The following POU2AF1 variants were observed in gnomAD, a reference collection of about 807,000 sequenced individuals.
POU2AF1 encodes POU domain class 2-associating factor 1.
Under a neutral mutation model 26.3 loss-of-function variants are expected in POU2AF1, and 12 were observed. That is an observed-to-expected ratio of 0.46 (90% CI 0.29 to 0.74). The LOEUF (loss-of-function observed/expected upper bound fraction) is 0.74, where lower values mean the gene tolerates loss of function less well. Among genes scored for constraint, POU2AF1 ranks in the 30% least tolerant of loss-of-function variants. The pLI is 0.09. For synonymous variants in POU2AF1, 175 were observed against 148.0 expected (o/e 1.18, Z -1.32); for missense variants, 297 against 334.5 (o/e 0.89, Z 0.87).
Position 111,364,943 on chromosome 11 carries a change from G to A in POU2AF1, c.17-6025C>T, listed in dbSNP as rs538716707. On this transcript the variant is annotated intron_variant, in intron 1 of 4. Transcript: ENST00000393067. ...GATCTGTAGTTAGGCAGCTGGAGGAGGCAAATGGATATCCAGTTGTTTGTT... is the reference window on the plus strand; with the variant it reads ...GATCTGTAGTTAGGCAGCTGGAGGAAGCAAATGGATATCCAGTTGTTTGTT... Among the ~76,000 whole-genome samples the A allele has an allele frequency of 8.5e-5, 13 of 152,344 alleles. No individual in the cohort carries two copies. The East Asian group carries it at 1.7e-3, about 20-fold the overall frequency.
At chr11:111,371,303 CTG>C (rs2135134795) in intron 1 of POU2AF1, among the ~76,000 whole-genome samples, 1 of 152,274 alleles carries the variant, frequency 6.6e-6, no homozygotes, top group South Asian at 2.1e-4. Context: ...ACTAATGAAA[CTG>C]TTACTAAGAA....
At chr11:111,358,575 C>T (rs1399982942) in intron 2 of POU2AF1, among the ~76,000 whole-genome samples, 2 of 140,888 alleles carry the variant, frequency 1.4e-5, no homozygotes, top group Non-Finnish European at 3.2e-5. Context: ...CACTCACACA[C>T]TCACACTCCC....
At chr11:111,372,901 T>A (rs1005072469) in intron 1 of POU2AF1, among the ~76,000 whole-genome samples, 1 of 152,190 alleles carries the variant, frequency 6.6e-6, no homozygotes, top group African/African-American at 2.4e-5. Context: ...TTTTTCTTCT[T>A]CTTGCTTGTC....
rs952754678 is a variant in POU2AF1 at position 111,353,109 on chromosome 11, T to C, written c.*1152A>G. On this transcript the variant is annotated 3_prime_UTR_variant, in exon 5 of 5. Coordinates refer to ENST00000393067, the MANE Select transcript of POU2AF1 (RefSeq NM_006235.3). ...AGCCTAGGCGAGGACCCATCACCTT[T>C]AGGCTTAATGGGGTCTTGGCCTCCA... 1 of 229,142 alleles carries C rather than the reference T, an allele frequency of 4.4e-6. No homozygotes were observed. Among genetic ancestry groups the C allele is most frequent in the Non-Finnish European group, 8.6e-6 (1 of 115,642 alleles). 14.2% of individuals were successfully genotyped at this position (229,142 alleles called of 1,614,324 possible). A position where few individuals can be genotyped will look rare whatever the true frequency, so the allele number is the denominator to read the frequency against.
At chr11:111,363,373 G>A (rs1269225506) in intron 1 of POU2AF1, 1 of 1,019,996 alleles carries the variant, frequency 9.8e-7, no homozygotes. Flanking sequence ...CGATTCCAAA[G>A]GAGCCCAACG....
intron 1 of POU2AF1, among the ~76,000 whole-genome samples, chr11:111,368,143 C>G (rs898296112): frequency 1.3e-5 from 2 of 152,210 alleles, no homozygotes; most frequent in Non-Finnish European, 2.9e-5. Flanking sequence ...TGTGACAGAG[C>G]TGCATCTGCC....
intron 1 of POU2AF1, among the ~76,000 whole-genome samples, chr11:111,372,630 C>T (rs771961441): frequency 3.3e-5 from 5 of 152,198 alleles, no homozygotes. Flanking sequence ...AACCTTACAA[C>T]AGAATCTGCT....
intron 1 of POU2AF1, among the ~76,000 whole-genome samples, chr11:111,378,904 C>A (rs1257539209): frequency 6.6e-6 from 1 of 152,184 alleles, no homozygotes; most frequent in Admixed American, 6.5e-5. Flanking sequence ...GCGGAGGTAC[C>A]CTGAGCCGTC....
intron 1 of POU2AF1, among the ~76,000 whole-genome samples, chr11:111,369,813 T>C (rs1481270915): frequency 6.6e-6 from 1 of 152,134 alleles, no homozygotes; most frequent in African/African-American, 2.4e-5. Flanking sequence ...GAAAGGGCTG[T>C]CTCTTTCCTT....
In POU2AF1 at chr11:111,353,467, C is replaced by T. The variant is rs78415994; in HGVS notation, c.*794G>A. On this transcript the variant is annotated 3_prime_UTR_variant, in exon 5 of 5. Transcript: ENST00000393067. ...CCACCCACCCTGATGTTCTTTTCTC[C>T]CTGCCACCCACTTCCCACCCCTTAC... 0.016 allele frequency: 3,780 copies of T among 233,688 alleles called. 40 individuals are homozygous for T. Among genetic ancestry groups the T allele is most frequent in the Non-Finnish European group, 0.025 (3,001 of 118,372 alleles). 14.5% of individuals were successfully genotyped at this position (233,688 alleles called of 1,614,324 possible).
intron 1 of POU2AF1, among the ~76,000 whole-genome samples, chr11:111,376,758 C>G (rs1262441885): frequency 4.6e-5 from 7 of 152,134 alleles, no homozygotes; most frequent in Non-Finnish European, 8.8e-5. Context: ...AAACCCTGCC[C>G]TTCCATCGGG....
chr11:111,360,969 G>C (rs1452963764), intron 1 of POU2AF1, among the ~76,000 whole-genome samples: 1 of 151,288 alleles, frequency 6.6e-6, no homozygotes, highest in African/African-American at 2.4e-5. Flanking sequence ...AATCTGTCCA[G>C]TATTTCTGAA....
intron 2 of POU2AF1, among the ~76,000 whole-genome samples, chr11:111,358,380 T>TCC (rs1860905981): frequency 6.2e-5 from 1 of 16,100 alleles, no homozygotes; most frequent in Non-Finnish European, 1.9e-4. Flanking sequence ...ACACACTCTC[T>TCC]CACACACACT....
At position 111,379,266 on chromosome 11, in the gene POU2AF1, G is replaced by C; in HGVS notation, c.-89C>G. 1.3e-6 allele frequency: 2 copies of C among 1,539,738 alleles called. No homozygotes were observed. The highest frequency in any genetic ancestry group is 1.8e-6 in the Non-Finnish European group (2 of 1,112,424). On this transcript the variant is annotated 5_prime_UTR_variant, in exon 1 of 5. Transcript: ENST00000393067. ...CCGGGGTGTGTTTTCCTCCAGTGGA[G>C]CCACCGCTTGAGCTGAGGCTGTTTC...
intron 1 of POU2AF1, among the ~76,000 whole-genome samples, chr11:111,364,468 C>G (rs972159682): frequency 6.6e-6 from 1 of 152,210 alleles, no homozygotes; most frequent in Non-Finnish European, 1.5e-5. Flanking sequence ...ATCTAAGGAG[C>G]TAAGACCCTC....
chr11:111,378,516 G>A (rs543350322), intron 1 of POU2AF1, among the ~76,000 whole-genome samples: 30 of 152,300 alleles, frequency 2.0e-4, no homozygotes, highest in African/African-American at 7.0e-4. Flanking sequence ...CAACTCCGGG[G>A]ATAAAAATCA....
At chr11:111,358,673 C>T in intron 2 of POU2AF1, 115 bp downstream of exon 2, 2 of 1,263,042 alleles carry the variant, frequency 1.6e-6, no homozygotes, top group Non-Finnish European at 2.2e-6. Flanking sequence ...CACACACAAA[C>T]ACATACACAC....
intron 1 of POU2AF1, chr11:111,363,817 C>G (rs2135123671): frequency 1.0e-6 from 1 of 985,194 alleles, no homozygotes; most frequent in East Asian, 1.1e-4. Flanking sequence ...ACCCTCAAAG[C>G]CTGAAGCTTT....
At chr11:111,366,391 A>G (rs971919614) in intron 1 of POU2AF1, among the ~76,000 whole-genome samples, 1 of 152,244 alleles carries the variant, frequency 6.6e-6, no homozygotes, top group African/African-American at 2.4e-5. Flanking sequence ...CATGAGAGAA[A>G]GGGGAACCAT....
Sources: allele counts gnomAD v4.1 joint callset (sites outside exome capture counted in the v4.1 genomes callset), GRCh38; gene constraint gnomAD v4.1.1; transcripts MANE v1.5; gene names NCBI Gene and HGNC (gene_info 2026-07-23, HGNC 2026-07-21).